The following MMACHC variants were observed in gnomAD, a reference collection of about 807,000 sequenced individuals.
MMACHC encodes metabolism of cobalamin associated C, also known as cyanocobalamin reductase / alkylcobalamin dealkylase.
In MMACHC, 14 loss-of-function variants were observed where a neutral mutation model predicts 17.6. The observed-to-expected ratio is 0.80, with a 90% CI of 0.53 to 1.25. MMACHC has a LOEUF of 1.25. Among genes scored for constraint, MMACHC ranks in the 50% most tolerant of loss-of-function variants. The probability of loss-of-function intolerance (pLI) is 0.00; values close to 1 mark genes in which losing one functional copy is unlikely to be tolerated. For missense variants in MMACHC, 392 were observed against 364.5 expected (o/e 1.08, Z -0.62); for synonymous variants, 151 against 142.1 (o/e 1.06, Z -0.45).
In MMACHC at chr1:45,508,956, A is replaced by G. The variant is rs1272181770; in HGVS notation, c.590A>G (p.Asn197Ser). ...CGTATCGCCCTACTCGAAGGCTTCA[A>G]TTTCCACTGGCGTGATTGGACTTAC... ...ADRIALLEGF[N>S]FHWRDWTYRD... Residue 197 changes from asparagine (N) to serine (S), a missense_variant, in exon 4 of 4, where the codon AAT (asparagine) becomes AGT (serine). By Grantham distance (46) the Asn-to-Ser change is conservative (BLOSUM62 1). Coordinates refer to ENST00000401061, the MANE Select transcript of MMACHC (RefSeq NM_015506.3). 4 of 1,613,988 alleles carry G rather than the reference A, an allele frequency of 2.5e-6. No homozygotes were observed. The South Asian group carries it at 4.4e-5, about 18-fold the overall frequency.
intron 3 of MMACHC, 129 bp downstream of exon 3, chr1:45,508,493 G>A: frequency 8.8e-7 from 1 of 1,140,468 alleles, no homozygotes; most frequent in South Asian, 1.5e-5. Flanking sequence ...TGTTCTGGAT[G>A]GGAGGCAGTC....
At position 45,509,363 on chromosome 1, in the gene MMACHC, G is replaced by C. The variant is rs1186101933; in HGVS notation, c.*148G>C. 5 of 927,520 alleles carry C rather than the reference G, an allele frequency of 5.4e-6. No homozygotes were observed. The highest frequency in any genetic ancestry group is 5.4e-5 in the Admixed American group (2 of 36,976). 57.5% of individuals were successfully genotyped at this position (927,520 alleles called of 1,614,324 possible). A position where few individuals can be genotyped will look rare whatever the true frequency, so the allele number is the denominator to read the frequency against. ...AGATAACAAGGCTCAAGGAAGTTAG[G>C]TTTGGCCAAGATAAAGGCCAGGGAA... On this transcript the variant is annotated 3_prime_UTR_variant, in exon 4 of 4. Coordinates refer to ENST00000401061, the MANE Select transcript of MMACHC (RefSeq NM_015506.3).
chr1:45,506,261 A>C (rs1272895287), intron 1 of MMACHC, among the ~76,000 whole-genome samples: 2 of 152,146 alleles, frequency 1.3e-5, no homozygotes, highest in African/African-American at 4.8e-5. Context: ...TCTCCAGATT[A>C]ACAATATTTT....
In MMACHC at chr1:45,500,406, C is replaced by T. The variant is rs777332324; in HGVS notation, c.74C>T (p.Pro25Leu). The T allele has an allele frequency of 1.2e-6, 2 of 1,614,008 alleles. No homozygotes were observed. The highest frequency in any genetic ancestry group is 1.1e-5 in the South Asian group (1 of 91,082). Residue 25 changes from proline (P) to leucine (L), a missense_variant, in exon 1 of 4, where the codon CCC becomes CTC. Pro to Leu is a moderately conservative substitution (Grantham distance 98). Coordinates refer to ENST00000401061, the MANE Select transcript of MMACHC (RefSeq NM_015506.3). Reference sequence around the variant, plus strand: ...TGTCCTTTTGGCTTCGAGGTTTACCCCTTCCAGGTTAGTTTATCCCTCCTG... The same window carrying T: ...TGTCCTTTTGGCTTCGAGGTTTACCTCTTCCAGGTTAGTTTATCCCTCCTG... ...TLCPFGFEVY[P>L]FQVAWYNELL...
chr1:45,510,270 G>C lies in MMACHC; in HGVS notation c.*1055G>C, dbSNP rs547560812. 1 of 152,336 alleles carries C rather than the reference G, an allele frequency of 6.6e-6. No homozygotes were observed. Among genetic ancestry groups the C allele is most frequent in the African/African-American group, 2.4e-5 (1 of 41,548 alleles). 9.4% of individuals were successfully genotyped at this position (152,336 alleles called of 1,614,324 possible). A position where few individuals can be genotyped will look rare whatever the true frequency, so the allele number is the denominator to read the frequency against. On this transcript the variant is annotated 3_prime_UTR_variant, in exon 4 of 4. Coordinates refer to ENST00000401061, the MANE Select transcript of MMACHC (RefSeq NM_015506.3). ...AGGTGGGAGTAGCTGAGGAAGACAAGTGGCTGGAATGGTATCACATGATAC... is the reference window on the plus strand; with the variant it reads ...AGGTGGGAGTAGCTGAGGAAGACAACTGGCTGGAATGGTATCACATGATAC...
At chr1:45,502,986 T>TGA (rs1285465362) in intron 1 of MMACHC, among the ~76,000 whole-genome samples, 2 of 151,722 alleles carry the variant, frequency 1.3e-5, no homozygotes, top group African/African-American at 4.8e-5. Flanking sequence ...ATTACAGGCA[T>TGA]GAGCCACCAT....
chr1:45,501,209 G>A (rs1263807310), intron 1 of MMACHC, among the ~76,000 whole-genome samples: 1 of 152,190 alleles, frequency 6.6e-6, no homozygotes, highest in Admixed American at 6.5e-5. Context: ...GCTGGGCTGG[G>A]TAATGAAACT....
chr1:45,509,087 G>C lies in MMACHC; in HGVS notation c.721G>C (p.Glu241Gln). 2 of 1,612,810 alleles carry C rather than the reference G, an allele frequency of 1.2e-6. No homozygotes were observed. The highest frequency in any genetic ancestry group is 2.2e-5 in the South Asian group (2 of 90,952). The change falls in exon 4 of 4, where the codon GAG (glutamate) becomes CAG (glutamine). Residue 241 changes from glutamate (E) to glutamine (Q), a missense_variant. Glu to Gln is a conservative substitution (Grantham distance 29). Transcript: ENST00000401061. ...LALLGLAQPS[E>Q]KPSSPSPDLP... is the part of the protein sequence containing the mutation. ...CCTATTGGGCTTGGCTCAGCCCTCAGAGAAGCCTAGTTCTCCCTCCCCGGA... is the reference window on the plus strand; with the variant it reads ...CCTATTGGGCTTGGCTCAGCCCTCACAGAAGCCTAGTTCTCCCTCCCCGGA...
In MMACHC at chr1:45,511,266, A is replaced by G; in HGVS notation, c.*2051A>G. The G allele has an allele frequency of 7.4e-7, 1 of 1,350,834 alleles. No individual in the cohort carries two copies. Among genetic ancestry groups the G allele is most frequent in the Admixed American group, 2.3e-5 (1 of 42,754 alleles). The allele number at this position is 1,350,834 out of a possible 1,614,324, so 83.7% of individuals were successfully genotyped here. A position where few individuals can be genotyped will look rare whatever the true frequency, so the allele number is the denominator to read the frequency against. On this transcript the variant is annotated 3_prime_UTR_variant, in exon 4 of 4. Transcript: ENST00000401061. The stretch of plus-strand genomic sequence containing the variant: ...TGTGTTTTACTAATGGAAAAAAAAA[A>G]TACAGAAGAGGTTTTGTTCTCATGG...
chr1:45,503,087 C>T (rs910137701), intron 1 of MMACHC, among the ~76,000 whole-genome samples: 1 of 152,120 alleles, frequency 6.6e-6, no homozygotes, highest in East Asian at 1.9e-4. Flanking sequence ...TTCTATTGTT[C>T]TTAGTGGTTC....
rs1643724679 is a variant in MMACHC at position 45,510,682 on chromosome 1, G to GT, written c.*1468dup. 6.6e-6 allele frequency: 1 copy of GT among 152,188 alleles called. No homozygotes were observed. The highest frequency in any genetic ancestry group is 1.5e-5 in the Non-Finnish European group (1 of 68,058). 9.4% of individuals were successfully genotyped at this position (152,188 alleles called of 1,614,324 possible). ...AACCTCCAGCTCTTTTACATAGCAGGTACCAGGCATTTATCAGAAGAGGCC... is the reference window on the plus strand; with the variant it reads ...AACCTCCAGCTCTTTTACATAGCAGGTTACCAGGCATTTATCAGAAGAGGCC... On this transcript the variant is annotated 3_prime_UTR_variant, in exon 4 of 4. Transcript: ENST00000401061.
intron 1 of MMACHC, among the ~76,000 whole-genome samples, chr1:45,505,891 G>A (rs1170691454): frequency 7.8e-6 from 1 of 127,464 alleles, no homozygotes; most frequent in Non-Finnish European, 1.6e-5. Flanking sequence ...AACAGAGTGA[G>A]ACTCCGTCTC....
intron 1 of MMACHC, among the ~76,000 whole-genome samples, chr1:45,501,340 C>G (rs373580730): frequency 6.6e-6 from 1 of 152,208 alleles, no homozygotes; most frequent in East Asian, 1.9e-4. Context: ...TAAATCAGCT[C>G]AGCTTGAGCC....
In MMACHC at chr1:45,513,042, TG is replaced by T. The variant is rs1436807904; in HGVS notation, c.*3830del. The T allele has an allele frequency of 1.3e-5, 2 of 152,208 alleles. No homozygotes were observed. Among genetic ancestry groups the T allele is most frequent in the Admixed American group, 1.3e-4 (2 of 15,272 alleles). 9.4% of individuals were successfully genotyped at this position (152,208 alleles called of 1,614,324 possible). On this transcript the variant is annotated 3_prime_UTR_variant, in exon 4 of 4. Coordinates refer to ENST00000401061, the MANE Select transcript of MMACHC (RefSeq NM_015506.3). ...TGAAATAGGCCTTAGAAAGCTAGTC[TG>T]GGCTGGGCGCAATGGCTCAGGGGAG... is the stretch of plus-strand genomic sequence containing the variant.
rs199641732 is a variant in MMACHC, at chr1:45,509,016, A to G, written c.650A>G (p.Glu217Gly). Reference sequence around the variant, plus strand: ...GTGACACCCCAGGAGCGCTACTCAGAAGAGCAGAAGGCCTACTTCTCCACT... The same window carrying G: ...GTGACACCCCAGGAGCGCTACTCAGGAGAGCAGAAGGCCTACTTCTCCACT... ...DAVTPQERYS[E>G]EQKAYFSTPP... is the part of the protein sequence containing the mutation. Residue 217 changes from glutamate (E) to glycine (G), a missense_variant, in exon 4 of 4, where the codon GAA becomes GGA. Physicochemically the swap from Glu to Gly is moderately conservative, Grantham distance 98. Coordinates refer to ENST00000401061, the MANE Select transcript of MMACHC (RefSeq NM_015506.3). 6.2e-7 allele frequency: 1 copy of G among 1,614,186 alleles called. No homozygotes were observed. The highest frequency in any genetic ancestry group is 2.2e-5 in the East Asian group (1 of 44,886).
chr1:45,505,843 G>A (rs372568783), intron 1 of MMACHC, among the ~76,000 whole-genome samples: 3 of 151,662 alleles, frequency 2.0e-5, no homozygotes, highest in Admixed American at 1.3e-4. Flanking sequence ...CGGAGGTTGC[G>A]GTGAGCCTAG....
At chr1:45,507,204 C>T in intron 1 of MMACHC, 152 bp from the exon 2 acceptor site, 1 of 689,004 alleles carries the variant, frequency 1.5e-6, no homozygotes. Context: ...AGTTGAGTTG[C>T]TTATAAAAAT....
rs1298700969 is a variant in MMACHC at position 45,508,886 on chromosome 1, C to T, written c.520C>T (p.Leu174=). ...VLLPGIEVPD[L]PPRKPHDCVP... is the part of the protein sequence containing the mutation. The stretch of plus-strand genomic sequence containing the variant: ...GCTGCCAGGGATAGAGGTGCCAGAT[C>T]TGCCACCCAGAAAACCTCATGACTG... Residue 174 remains leucine (L), a synonymous_variant, in exon 4 of 4, where the codon CTG becomes TTG. Transcript: ENST00000401061. 1.2e-6 allele frequency: 2 copies of T among 1,614,106 alleles called. No homozygotes were observed. The highest frequency in any genetic ancestry group is 1.1e-5 in the South Asian group (1 of 91,088).
chr1:45,503,119 G>A (rs962972475), intron 1 of MMACHC, among the ~76,000 whole-genome samples: 1 of 152,136 alleles, frequency 6.6e-6, no homozygotes, highest in African/African-American at 2.4e-5. Context: ...ACTTTCTGCA[G>A]CCAGGCGTGG....
Sources: allele counts gnomAD v4.1 joint callset (sites outside exome capture counted in the v4.1 genomes callset), GRCh38; gene constraint gnomAD v4.1.1; transcripts MANE v1.5; gene names NCBI Gene and HGNC (gene_info 2026-07-23, HGNC 2026-07-21).